Variants in CAPZB observed in about 807,000 individuals in gnomAD.
The protein encoded by CAPZB is F-actin-capping protein subunit beta.
A neutral mutation model predicts 38.1 loss-of-function variants in CAPZB; 2 were observed. The observed-to-expected ratio is 0.05, with a 90% CI of 0.02 to 0.17. The LOEUF is 0.17. Ranked by LOEUF, CAPZB falls within the 10% of genes least tolerant of loss-of-function variation. The pLI is 1.00. For missense variants in CAPZB, 161 were observed against 334.2 expected (o/e 0.48, Z 4.04); for synonymous variants, 107 against 127.4 (o/e 0.84, Z 1.08).
intron 4 of CAPZB, among the ~76,000 whole-genome samples, chr1:19,373,409 T>C (rs1398868616): frequency 6.6e-6 from 1 of 152,244 alleles, no homozygotes; most frequent in Non-Finnish European, 1.5e-5. Flanking sequence ...ATTGATTCCA[T>C]GTGCTTATGA....
chr1:19,356,860 C>A lies in CAPZB; in HGVS notation c.472-109G>T, dbSNP rs1231670089. On this transcript the variant is annotated intron_variant, in intron 5 of 8. Transcript: ENST00000264202. The surrounding 1 kb of genome is among the most constrained non-coding windows in gnomAD (Gnocchi z 4.3). ...TTCCTAGGTCATTATCACAATATTA[C>A]CTTTTTTTTTTTTAAATTGGAGACA... The A allele has an allele frequency of 2.8e-6, 2 of 715,034 alleles. No homozygotes were observed. The highest frequency in any genetic ancestry group is 4.8e-6 in the Non-Finnish European group (2 of 420,636). The allele number at this position is 715,034 out of a possible 1,614,324, so 44.3% of individuals were successfully genotyped here.
At chr1:19,406,828 G>A (rs1570165343) in intron 2 of CAPZB, among the ~76,000 whole-genome samples, 1 of 152,158 alleles carries the variant, frequency 6.6e-6, no homozygotes, top group East Asian at 1.9e-4. Flanking sequence ...AGTTTGACAT[G>A]ACCTCAGAAC....
intron 2 of CAPZB, among the ~76,000 whole-genome samples, chr1:19,395,054 A>T (rs4912084): frequency 6.6e-6 from 1 of 151,932 alleles, no homozygotes; most frequent in Non-Finnish European, 1.5e-5. Flanking sequence ...TTCTGAGCAC[A>T]TTTAGGGTCA....
chr1:19,394,912 G>A (rs115232874), intron 2 of CAPZB, among the ~76,000 whole-genome samples: 1,521 of 152,082 alleles, frequency 0.01, 25 homozygotes, highest in African/African-American at 0.034. Flanking sequence ...AGCGATGCAC[G>A]GTCTGATCCT....
At chr1:19,354,008 T>C (rs186151812) in intron 6 of CAPZB, among the ~76,000 whole-genome samples, 94 of 152,334 alleles carry the variant, frequency 6.2e-4, no homozygotes, top group African/African-American at 2.2e-3. Context: ...TCTGACTATT[T>C]AGCAGTCACC....
chr1:19,462,010 C>T (rs2094553406), intron 1 of CAPZB, among the ~76,000 whole-genome samples: 1 of 152,060 alleles, frequency 6.6e-6, no homozygotes, highest in Admixed American at 6.5e-5. Flanking sequence ...AATGACTGCA[C>T]AAGAAGGGAC....
At chr1:19,400,348 C>T (rs2094296641) in intron 2 of CAPZB, among the ~76,000 whole-genome samples, 1 of 152,216 alleles carries the variant, frequency 6.6e-6, no homozygotes, top group Non-Finnish European at 1.5e-5. Context: ...ACGCAGGCTC[C>T]TCTGGGCTTC....
chr1:19,457,406 G>A (rs937646991), intron 1 of CAPZB, among the ~76,000 whole-genome samples: 1 of 152,176 alleles, frequency 6.6e-6, no homozygotes, highest in Admixed American at 6.6e-5. Flanking sequence ...TGGCGCACAG[G>A]CTGGCTCAGA....
chr1:19,379,100 C>CTTTTTTTTTTTT (rs371398074), intron 3 of CAPZB, among the ~76,000 whole-genome samples: 2 of 138,250 alleles, frequency 1.4e-5, no homozygotes, highest in Admixed American at 7.3e-5. Flanking sequence ...TTTTTTCTTT[C>CTTTTTTTTTTTT]TTTTTTTTTT....
intron 6 of CAPZB, among the ~76,000 whole-genome samples, chr1:19,354,389 T>C (rs1297751879): frequency 1.3e-5 from 2 of 152,200 alleles, no homozygotes; most frequent in East Asian, 3.8e-4. Flanking sequence ...GCTCAGAAGC[T>C]GTGCATCATT....
intron 1 of CAPZB, among the ~76,000 whole-genome samples, chr1:19,459,487 CCTT>C (rs774402452): frequency 6.6e-6 from 1 of 151,976 alleles, no homozygotes; most frequent in Non-Finnish European, 1.5e-5. Flanking sequence ...TTTTTTAAAA[CCTT>C]CTACCACGCC....
intron 1 of CAPZB, among the ~76,000 whole-genome samples, chr1:19,451,815 G>A (rs1172471106): frequency 2.6e-5 from 4 of 151,708 alleles, no homozygotes; most frequent in Non-Finnish European, 5.9e-5. Context: ...AGCTGAAACC[G>A]AACTAGGTTT....
intron 1 of CAPZB, among the ~76,000 whole-genome samples, chr1:19,470,130 G>A (rs1383955970): frequency 6.6e-6 from 1 of 152,276 alleles, no homozygotes; most frequent in African/African-American, 2.4e-5. Context: ...GAGGCAAGAG[G>A]ACTGCTTGAG....
chr1:19,355,643 G>C (rs1407690121), intron 6 of CAPZB, among the ~76,000 whole-genome samples: 1 of 152,242 alleles, frequency 6.6e-6, no homozygotes, highest in Non-Finnish European at 1.5e-5. Context: ...TGCTGGAACT[G>C]AGAACGGAAG....
chr1:19,394,983 G>A (rs1198514952), intron 2 of CAPZB, among the ~76,000 whole-genome samples: 1 of 152,172 alleles, frequency 6.6e-6, no homozygotes, highest in African/African-American at 2.4e-5. Flanking sequence ...TGATCAAAAA[G>A]GTGAGCGATG....
intron 4 of CAPZB, among the ~76,000 whole-genome samples, chr1:19,359,474 G>A (rs950590312): frequency 9.9e-5 from 15 of 152,174 alleles, no homozygotes; most frequent in Non-Finnish European, 2.2e-4. Context: ...GCTCCCTCAG[G>A]CAGGCTGCGG....
At chr1:19,466,670 C>T (rs1468145199) in intron 1 of CAPZB, among the ~76,000 whole-genome samples, 6 of 152,186 alleles carry the variant, frequency 3.9e-5, no homozygotes, top group Non-Finnish European at 1.5e-5. Context: ...TCCCAAGTCA[C>T]GCTCCAGACT....
chr1:19,460,184 A>G (rs1262594750), intron 1 of CAPZB, among the ~76,000 whole-genome samples: 12 of 152,270 alleles, frequency 7.9e-5, no homozygotes, highest in African/African-American at 2.7e-4. Context: ...CTCAAACTGC[A>G]AAAGTTACAG....
chr1:19,433,396 G>A (rs908824274), intron 1 of CAPZB, among the ~76,000 whole-genome samples: 1 of 152,168 alleles, frequency 6.6e-6, no homozygotes, highest in African/African-American at 2.4e-5. Flanking sequence ...GTTCACTGAC[G>A]AAGGCTAAGA....
Sources: gnomAD v4.1 joint callset for allele counts (sites outside exome capture counted in the v4.1 genomes callset) on GRCh38, gnomAD v4.1.1 for gene constraint, Gnocchi (gnomAD v3.1) non-coding constraint, MANE v1.5 for transcripts, NCBI Gene and HGNC (gene_info 2026-07-23, HGNC 2026-07-21) for gene names.